Variants in WNK1 observed in about 807,000 individuals in gnomAD.
WNK1 encodes the protein serine/threonine-protein kinase WNK1.
WNK1 carries 38 observed loss-of-function variants against 222.8 expected under a neutral mutation model. That is an observed-to-expected ratio of 0.17 (90% CI 0.13 to 0.22). The LOEUF is 0.22. WNK1 is among the 10% of genes least tolerant of loss of function. WNK1 has a pLI of 1.00. For missense variants in WNK1, 2,348 were observed against 2,918.4 expected (o/e 0.80, Z 4.50); for synonymous variants, 1,090 against 1,092.9 (o/e 1.00, Z 0.05).
In WNK1 at chr12:908,861, G is replaced by GGGGGCA; in HGVS notation, c.*69_*70insGGGGCA. On this transcript the variant is annotated 3_prime_UTR_variant, in exon 28 of 28. Coordinates refer to ENST00000315939, the MANE Select transcript of WNK1 (RefSeq NM_018979.4). ...ATGCTGAGGGGGTGGGTGGGGGTGG[G>GGGGGCA]AAGTAGCCTATATACTAACTACTAG... 4.1e-6 allele frequency: 2 copies of GGGGGCA among 491,846 alleles called. No homozygotes were observed. The highest frequency in any genetic ancestry group is 8.3e-6 in the Non-Finnish European group (2 of 241,770). The allele number at this position is 491,846 out of a possible 1,614,324, so 30.5% of individuals were successfully genotyped here. A position where few individuals can be genotyped will look rare whatever the true frequency, so the allele number is the denominator to read the frequency against.
chr12:845,158 G>A (rs949736567), intron 4 of WNK1, among the ~76,000 whole-genome samples: 2 of 152,020 alleles, frequency 1.3e-5, no homozygotes, highest in African/African-American at 4.8e-5. Context: ...GCCTCCCAAA[G>A]TGCTGGGATT....
chr12:836,082 C>G (rs931736244), intron 4 of WNK1, among the ~76,000 whole-genome samples: 2 of 151,946 alleles, frequency 1.3e-5, no homozygotes, highest in Non-Finnish European at 2.9e-5. Context: ...TCTTTTTGCC[C>G]GAAATGTATG....
chr12:825,000 G>A (rs947958016), intron 2 of WNK1, among the ~76,000 whole-genome samples: 1 of 152,056 alleles, frequency 6.6e-6, no homozygotes, highest in Non-Finnish European at 1.5e-5. Flanking sequence ...CCTTCAGTAT[G>A]CATTTCGTTA....
intron 2 of WNK1, among the ~76,000 whole-genome samples, chr12:823,479 A>G (rs1948076515): frequency 6.6e-6 from 1 of 152,190 alleles, no homozygotes; most frequent in Non-Finnish European, 1.5e-5. Context: ...CTCAGACTGT[A>G]CAGTTTCACT....
At chr12:769,077 G>A (rs887800657) in intron 1 of WNK1, among the ~76,000 whole-genome samples, 1 of 152,102 alleles carries the variant, frequency 6.6e-6, no homozygotes, top group Non-Finnish European at 1.5e-5. Context: ...CAAACTGCTG[G>A]GATTGTAGGC....
intron 19 of WNK1, among the ~76,000 whole-genome samples, chr12:886,445 T>C (rs1953664460): frequency 6.6e-6 from 1 of 152,224 alleles, no homozygotes; most frequent in South Asian, 2.1e-4. Flanking sequence ...TTCATAGTCT[T>C]TGTTTCAGTG....
At chr12:816,446 A>G (rs1382886650) in intron 2 of WNK1, among the ~76,000 whole-genome samples, 2 of 147,142 alleles carry the variant, frequency 1.4e-5, no homozygotes, top group East Asian at 3.9e-4. Flanking sequence ...ATAAAAAAAC[A>G]ATTTTTTTTT....
intron 8 of WNK1, chr12:865,446 A>G: frequency 6.8e-7 from 1 of 1,461,490 alleles, no homozygotes; most frequent in African/African-American, 1.4e-5. Context: ...ATTAAAATTG[A>G]ATAAAGAACA....
At chr12:868,935 CA>C (rs1182197146) in intron 8 of WNK1, 1 of 1,590,598 alleles carries the variant, frequency 6.3e-7, no homozygotes, top group Non-Finnish European at 8.6e-7. Flanking sequence ...CCTCCCCCTA[CA>C]GGGGGAGCAG....
chr12:822,087 CTTTTTT>C (rs376271992), intron 2 of WNK1, among the ~76,000 whole-genome samples: 2 of 71,430 alleles, frequency 2.8e-5, no homozygotes, highest in Non-Finnish European at 5.0e-5. Context: ...TGTCTTATAC[CTTTTTT>C]TTTTTTTTTT....
intron 4 of WNK1, among the ~76,000 whole-genome samples, chr12:852,816 A>G (rs576218819): frequency 6.6e-6 from 1 of 152,302 alleles, no homozygotes; most frequent in African/African-American, 2.4e-5. Flanking sequence ...TTTATTTTAA[A>G]CAGCTTTCTA....
At chr12:902,084 G>A (rs1955307911) in intron 26 of WNK1, among the ~76,000 whole-genome samples, 2 of 151,632 alleles carry the variant, frequency 1.3e-5, no homozygotes, top group Admixed American at 1.3e-4. Context: ...GATTGCTTGA[G>A]GCCAGGAGCT....
chr12:902,550 A>T (rs186991388), intron 26 of WNK1, among the ~76,000 whole-genome samples: 1 of 152,336 alleles, frequency 6.6e-6, no homozygotes, highest in East Asian at 1.9e-4. Context: ...GGTTATTCTG[A>T]TAAAGCACTT....
Position 798,201 on chromosome 12 carries a change from T to G in WNK1, c.760-15441T>G, listed in dbSNP as rs927489537. Among the ~76,000 whole-genome samples the G allele has an allele frequency of 5.9e-5, 9 of 151,574 alleles. No homozygotes were observed. The East Asian group carries it at 9.7e-4, about 16-fold the overall frequency. On this transcript the variant is annotated intron_variant, in intron 1 of 27. Transcript: ENST00000315939. ...TTTCTTATTGCATTTTCTTTTTTTT[T>G]TTGTTTTTGAGACGGAGTCTGGCTC... is the stretch of plus-strand genomic sequence containing the variant.
chr12:769,968 A>G lies in WNK1; in HGVS notation c.759+15644A>G, dbSNP rs1229862257. Among the ~76,000 whole-genome samples the G allele has an allele frequency of 2.6e-5, 4 of 151,070 alleles. No individual in the cohort carries two copies. The South Asian group carries it at 8.3e-4, about 31-fold the overall frequency. ...ACTTCCCAAAACACTGTTACATTGC[A>G]TAAGTTTCTTTTTTTTTTTTTTGAG... On this transcript the variant is annotated intron_variant, in intron 1 of 27. Coordinates refer to ENST00000315939, the MANE Select transcript of WNK1 (RefSeq NM_018979.4).
At chr12:805,941 C>T (rs549886448) in intron 1 of WNK1, among the ~76,000 whole-genome samples, 7 of 152,144 alleles carry the variant, frequency 4.6e-5, no homozygotes, top group East Asian at 3.9e-4. Flanking sequence ...AAATTCTTTT[C>T]GCCACCTCTG....
intron 5 of WNK1, among the ~76,000 whole-genome samples, chr12:858,587 A>G (rs951096926): frequency 2.6e-5 from 4 of 152,216 alleles, no homozygotes; most frequent in African/African-American, 4.8e-5. Context: ...CTTGCCCAGT[A>G]CACAAATTAT....
At position 762,123 on chromosome 12, in the gene WNK1, A is replaced by G. The variant is rs919334218; in HGVS notation, c.759+7799A>G. Among the ~76,000 whole-genome samples, 45 of 144,590 alleles carry G rather than the reference A, an allele frequency of 3.1e-4. 5 individuals carry two copies. Among genetic ancestry groups the G allele is most frequent in the Admixed American group, 6.9e-5 (1 of 14,562 alleles). The allele number at this position is 144,590 out of a possible 152,430, so 94.9% of individuals were successfully genotyped here. On this transcript the variant is annotated intron_variant, in intron 1 of 27. Transcript: ENST00000315939. ...TGCCCAGGCTGGAGTACAGTGGCAC[A>G]ATCTCAGCTCACTGCTACCTCTGCC...
chr12:812,431 A>C (rs1040159228), intron 1 of WNK1, among the ~76,000 whole-genome samples: 6 of 152,324 alleles, frequency 3.9e-5, no homozygotes, highest in Admixed American at 6.5e-5. Flanking sequence ...GTATCTTGTC[A>C]CTGCCTTTTC....
Sources: allele counts gnomAD v4.1 joint callset (sites outside exome capture counted in the v4.1 genomes callset), GRCh38; gene constraint gnomAD v4.1.1; transcripts MANE v1.5; gene names NCBI Gene and HGNC (gene_info 2026-07-23, HGNC 2026-07-21).